Variants in ARHGEF28 observed in about 807,000 individuals in gnomAD.
ARHGEF28 encodes the protein Rho guanine nucleotide exchange factor 28, also known as 190 kDa guanine nucleotide exchange factor.
Under a neutral mutation model 206.6 loss-of-function variants are expected in ARHGEF28, and 152 were observed. The ratio of observed to expected loss-of-function variants is 0.74; its 90% CI spans 0.64 to 0.84. ARHGEF28 has a LOEUF of 0.84. ARHGEF28 is among the 40% of genes least tolerant of loss of function. The pLI, the probability that ARHGEF28 is intolerant of heterozygous loss-of-function variation, is 0.00. For synonymous variants in ARHGEF28, 763 were observed against 776.4 expected (o/e 0.98, Z 0.29); for missense variants, 2,028 against 2,073.2 (o/e 0.98, Z 0.42).
At chr5:73,856,785 G>A (rs1366276424) in intron 14 of ARHGEF28, among the ~76,000 whole-genome samples, 1 of 152,114 alleles carries the variant, frequency 6.6e-6, no homozygotes, top group Non-Finnish European at 1.5e-5. Flanking sequence ...TAGGGGGTAG[G>A]AGAGACTTTA....
intron 4 of ARHGEF28, among the ~76,000 whole-genome samples, chr5:73,762,619 G>A (rs2112425457): frequency 6.6e-6 from 1 of 152,234 alleles, no homozygotes; most frequent in Admixed American, 6.5e-5. Context: ...TTTTTAAAAA[G>A]TAGTCCCCAA....
At chr5:73,937,254 GACTA>G (rs1453601119) in intron 35 of ARHGEF28, among the ~76,000 whole-genome samples, 1 of 152,180 alleles carries the variant, frequency 6.6e-6, no homozygotes, top group African/African-American at 2.4e-5. Context: ...CATGTTAGGA[GACTA>G]ACTTAGACCC....
intron 1 of ARHGEF28, among the ~76,000 whole-genome samples, chr5:73,652,862 G>A (rs1403402329): frequency 1.3e-5 from 2 of 152,160 alleles, no homozygotes; most frequent in East Asian, 3.9e-4. Context: ...TAGAAAACGG[G>A]CAGATGGAGG....
At chr5:73,895,566 G>A (rs1761915241) in intron 29 of ARHGEF28, among the ~76,000 whole-genome samples, 1 of 152,148 alleles carries the variant, frequency 6.6e-6, no homozygotes, top group Non-Finnish European at 1.5e-5. Context: ...GGGACAAAGG[G>A]CTTGGGAGAT....
intron 1 of ARHGEF28, 25 bp from the exon 2 acceptor site, chr5:73,684,816 C>A: frequency 6.2e-7 from 1 of 1,603,804 alleles, no homozygotes; most frequent in Non-Finnish European, 8.5e-7. Context: ...GCAATAACTT[C>A]TCTTGTTTAT....
chr5:73,866,520 C>T (rs1258904030), intron 18 of ARHGEF28, among the ~76,000 whole-genome samples: 2 of 152,122 alleles, frequency 1.3e-5, no homozygotes, highest in Non-Finnish European at 1.5e-5. Context: ...TTTCTGTTGT[C>T]CATTATTATA....
chr5:73,816,950 T>G (rs1226929431), intron 9 of ARHGEF28, among the ~76,000 whole-genome samples: 3 of 121,958 alleles, frequency 2.5e-5, no homozygotes, highest in Non-Finnish European at 3.7e-5. Context: ...CCTGATTTTC[T>G]GTTTTTTTGT....
Position 73,901,281 on chromosome 5 carries a change from G to C in ARHGEF28, c.4071G>C (p.Glu1357Asp). ...ACTTGGCCGTCTCTGATGCAGGGGA[G>C]AAGGTATTGTGAACTGATTTGTTAG... ...VTDLAVSDAG[E>D]KVECRNFPGS... Residue 1357 changes from glutamate (E) to aspartate (D), a missense_variant, in exon 31 of 36, where the codon GAG becomes GAC. Glu to Asp is a conservative substitution (Grantham distance 45). This residue lies in a region of ARHGEF28 where 803 missense variants were observed against 768.0 expected (regional missense o/e 1.05). Coordinates refer to ENST00000513042, the MANE Select transcript of ARHGEF28 (RefSeq NM_001177693.2). 1 of 1,612,538 alleles carries C rather than the reference G, an allele frequency of 6.2e-7. No individual in the cohort carries two copies.
chr5:73,748,917 G>C (rs1304736372), intron 2 of ARHGEF28, among the ~76,000 whole-genome samples: 3 of 152,168 alleles, frequency 2.0e-5, no homozygotes, highest in Admixed American at 1.3e-4. Context: ...CATAGCTGCT[G>C]TTCCCCTGGG....
At chr5:73,731,458 G>T (rs1403445344) in intron 2 of ARHGEF28, among the ~76,000 whole-genome samples, 1 of 152,112 alleles carries the variant, frequency 6.6e-6, no homozygotes, top group South Asian at 2.1e-4. Flanking sequence ...GTGGCCATTT[G>T]GTTTTAAGGA....
At chr5:73,751,566 A>G (rs569288524) in intron 3 of ARHGEF28, among the ~76,000 whole-genome samples, 3 of 152,212 alleles carry the variant, frequency 2.0e-5, no homozygotes, top group Non-Finnish European at 4.4e-5. Flanking sequence ...GCCCTTATAG[A>G]GAAAGGATAA....
At chr5:73,917,411 A>C (rs1290064096) in intron 35 of ARHGEF28, among the ~76,000 whole-genome samples, 1 of 152,234 alleles carries the variant, frequency 6.6e-6, no homozygotes, top group African/African-American at 2.4e-5. Flanking sequence ...TTTCTCATCG[A>C]CAAGTGGAGA....
intron 2 of ARHGEF28, among the ~76,000 whole-genome samples, chr5:73,741,029 A>T (rs1466416988): frequency 1.3e-5 from 2 of 152,020 alleles, no homozygotes; most frequent in African/African-American, 4.8e-5. Context: ...GAGTGATTAC[A>T]ATTTTTCTTA....
intron 35 of ARHGEF28, among the ~76,000 whole-genome samples, chr5:73,936,149 T>C (rs967997319): frequency 1.3e-5 from 2 of 152,080 alleles, no homozygotes; most frequent in African/African-American, 4.8e-5. Context: ...TAATTACTTT[T>C]AAACTGTAAG....
chr5:73,753,004 G>A lies in ARHGEF28; in HGVS notation c.277G>A (p.Asp93Asn), dbSNP rs1561379405. The change falls in exon 4 of 36, where the codon GAC becomes AAC. Residue 93 changes from aspartate (D) to asparagine (N), a missense_variant. This residue lies in a region of ARHGEF28 where 1,002 missense variants were observed against 1,015.3 expected (regional missense o/e 0.99). Coordinates refer to ENST00000513042, the MANE Select transcript of ARHGEF28 (RefSeq NM_001177693.2). ...TMGSGSVTYV[D>N]NMACRLARLL... ...GGGCTCTGGCTCAGTGACCTACGTGGACAACATGGCTTGCAGGCTGGCTCG... is the reference window on the plus strand; with the variant it reads ...GGGCTCTGGCTCAGTGACCTACGTGAACAACATGGCTTGCAGGCTGGCTCG... 6.2e-7 allele frequency: 1 copy of A among 1,613,448 alleles called. No homozygotes were observed. The highest frequency in any genetic ancestry group is 8.5e-7 in the Non-Finnish European group (1 of 1,179,678).
chr5:73,825,974 G>C (rs1161391746), intron 9 of ARHGEF28, among the ~76,000 whole-genome samples: 1 of 152,132 alleles, frequency 6.6e-6, no homozygotes, highest in Non-Finnish European at 1.5e-5. Context: ...ATGCCATGCT[G>C]TCAGATAACC....
chr5:73,870,713 C>T (rs968272311), intron 21 of ARHGEF28, among the ~76,000 whole-genome samples: 5 of 152,166 alleles, frequency 3.3e-5, no homozygotes, highest in Non-Finnish European at 5.9e-5. Context: ...TGACTACGTG[C>T]TGCCATCCTG....
chr5:73,920,044 C>T (rs1763434947), intron 35 of ARHGEF28, among the ~76,000 whole-genome samples: 1 of 152,170 alleles, frequency 6.6e-6, no homozygotes, highest in African/African-American at 2.4e-5. Flanking sequence ...TCCAGGTCCA[C>T]ACTCATTAGC....
chr5:73,832,466 C>T lies in ARHGEF28; in HGVS notation c.1146+7C>T, dbSNP rs1561439173. ...CTGTATGGTGATTGATCAGGTAAGG[C>T]CCAACTGACATTACAGGATGATTTC... On this transcript the variant is annotated splice_region_variant and intron_variant, in intron 10 of 35. Transcript: ENST00000513042. 6.2e-7 allele frequency: 1 copy of T among 1,610,888 alleles called. No homozygotes were observed. Among genetic ancestry groups the T allele is most frequent in the Non-Finnish European group, 8.5e-7 (1 of 1,178,504 alleles).
Sources: allele counts gnomAD v4.1 joint callset (sites outside exome capture counted in the v4.1 genomes callset), GRCh38; gene constraint gnomAD v4.1.1; regional missense constraint gnomAD v4.1.1; transcripts MANE v1.5; gene names NCBI Gene and HGNC (gene_info 2026-07-23, HGNC 2026-07-21).